Variants in STARD3NL observed in about 807,000 individuals in gnomAD.
STARD3NL encodes STARD3 N-terminal-like protein.
A neutral mutation model predicts 30.9 loss-of-function variants in STARD3NL; 17 were observed. The observed-to-expected ratio is 0.55, with a 90% CI of 0.38 to 0.82. STARD3NL has a LOEUF of 0.82. Ranked by LOEUF, STARD3NL falls within the 40% of genes least tolerant of loss-of-function variation. The pLI is 0.00. For synonymous variants in STARD3NL, 112 were observed against 100.5 expected (o/e 1.11, Z -0.69); for missense variants, 234 against 277.6 (o/e 0.84, Z 1.12).
At position 38,178,365 on chromosome 7, in the gene STARD3NL, C is replaced by T. The variant is rs62443315; in HGVS notation, c.-114C>T. 6.6e-6 allele frequency: 1 copy of T among 152,064 alleles called. No individual in the cohort carries two copies. Among genetic ancestry groups the T allele is most frequent in the African/African-American group, 2.4e-5 (1 of 41,502 alleles). The allele number at this position is 152,064 out of a possible 1,614,324, so 9.4% of individuals were successfully genotyped here. On this transcript the variant is annotated 5_prime_UTR_variant, in exon 1 of 9. Transcript: ENST00000009041. ...CGCCCCTCAGGCCGGGGCGCGACCG[C>T]GGATCCGCAGTTCCCGGGCCAGCCT...
intron 6 of STARD3NL, among the ~76,000 whole-genome samples, chr7:38,217,668 A>G (rs576153766): frequency 3.3e-4 from 50 of 152,324 alleles, no homozygotes; most frequent in East Asian, 1.9e-4. Context: ...GTGCATGTAA[A>G]CAGAACTGTG....
At chr7:38,182,430 T>C (rs1784288277) in intron 1 of STARD3NL, among the ~76,000 whole-genome samples, 1 of 152,134 alleles carries the variant, frequency 6.6e-6, no homozygotes, top group South Asian at 2.1e-4. Flanking sequence ...CTTTTTAATA[T>C]TATAGATGAG....
intron 6 of STARD3NL, among the ~76,000 whole-genome samples, chr7:38,217,631 A>T (rs776212276): frequency 1.8e-4 from 27 of 152,336 alleles, no homozygotes; most frequent in Non-Finnish European, 7.4e-5. Context: ...TCTCCCTGTT[A>T]GCAATAGACA....
rs1786924473 is a variant in STARD3NL at position 38,228,670 on chromosome 7, CT to C, written c.650-127del. ...TTCAAATAGCAGTTAACCTAAATCT[CT>C]TGAGGATTAAACATATGTTTAATGT... On this transcript the variant is annotated intron_variant, in intron 7 of 8. Transcript: ENST00000009041. 1.2e-5 allele frequency: 8 copies of C among 674,776 alleles called. No individual in the cohort carries two copies. In the East Asian group the frequency reaches 2.3e-4, roughly 20 times the overall value. 41.8% of individuals were successfully genotyped at this position (674,776 alleles called of 1,614,324 possible). A position where few individuals can be genotyped will look rare whatever the true frequency, so the allele number is the denominator to read the frequency against.
chr7:38,203,298 T>C lies in STARD3NL; in HGVS notation c.-58-4149T>C, dbSNP rs573888995. Among the ~76,000 whole-genome samples the C allele has an allele frequency of 8.5e-5, 13 of 152,312 alleles. No homozygotes were observed. The East Asian group carries it at 2.5e-3, about 29-fold the overall frequency. On this transcript the variant is annotated intron_variant, in intron 1 of 8. Transcript: ENST00000009041. ...ACAGCTGATCTCTCGGCAGAAACTCTACAAGCCAGAAGAGAGTGGGGGCCA... is the reference window on the plus strand; with the variant it reads ...ACAGCTGATCTCTCGGCAGAAACTCCACAAGCCAGAAGAGAGTGGGGGCCA...
At chr7:38,226,442 C>T (rs1458307751) in intron 7 of STARD3NL, among the ~76,000 whole-genome samples, 4 of 152,138 alleles carry the variant, frequency 2.6e-5, no homozygotes, top group Non-Finnish European at 5.9e-5. Flanking sequence ...CAGAGCCTAG[C>T]TAGTGATTAC....
intron 1 of STARD3NL, among the ~76,000 whole-genome samples, chr7:38,196,468 T>A: frequency 6.6e-6 from 1 of 152,214 alleles, no homozygotes; most frequent in East Asian, 1.9e-4. Context: ...TCAGTATTCC[T>A]TTGTTTCAAA....
rs138798892 is a variant in STARD3NL, at chr7:38,221,410, G to C, written c.649+1750G>C. On this transcript the variant is annotated intron_variant, in intron 7 of 8. Coordinates refer to ENST00000009041, the MANE Select transcript of STARD3NL (RefSeq NM_032016.4). ...GTGTCTTACCACTAATCTCTTGTAAGATTGTGTCTAACCTATTTTCATATT... is the reference window on the plus strand; with the variant it reads ...GTGTCTTACCACTAATCTCTTGTAACATTGTGTCTAACCTATTTTCATATT... Among the ~76,000 whole-genome samples the C allele has an allele frequency of 2.4e-4, 36 of 152,110 alleles. No individual in the cohort carries two copies. In the East Asian group the frequency reaches 6.4e-3, roughly 27 times the overall value.
chr7:38,218,336 GA>G, intron 6 of STARD3NL, among the ~76,000 whole-genome samples: 1 of 152,274 alleles, frequency 6.6e-6, no homozygotes, highest in South Asian at 2.1e-4. Context: ...TTACATAGAA[GA>G]AATATATAAG....
intron 1 of STARD3NL, chr7:38,179,159 G>A (rs968228812): frequency 4.6e-5 from 7 of 152,158 alleles, no homozygotes; most frequent in African/African-American, 1.4e-4. Flanking sequence ...ACCAAGTAAC[G>A]GGTCTAATTA....
chr7:38,224,833 GA>G (rs912385823), intron 7 of STARD3NL, among the ~76,000 whole-genome samples: 2 of 150,286 alleles, frequency 1.3e-5, no homozygotes, highest in South Asian at 2.1e-4. Flanking sequence ...AATAAGAAAA[GA>G]AAAAAAAACA....
At chr7:38,181,142 C>G (rs1045053035) in intron 1 of STARD3NL, among the ~76,000 whole-genome samples, 2 of 152,142 alleles carry the variant, frequency 1.3e-5, no homozygotes, top group Non-Finnish European at 2.9e-5. Context: ...TGAATCTAGT[C>G]TCTGTTAATA....
chr7:38,190,407 T>C (rs779251463), intron 1 of STARD3NL, among the ~76,000 whole-genome samples: 1 of 152,200 alleles, frequency 6.6e-6, no homozygotes, highest in African/African-American at 2.4e-5. Context: ...ATGCTACATG[T>C]GTGTATGTAT....
At chr7:38,196,961 G>C (rs1353622624) in intron 1 of STARD3NL, among the ~76,000 whole-genome samples, 1 of 152,072 alleles carries the variant, frequency 6.6e-6, no homozygotes, top group Non-Finnish European at 1.5e-5. Context: ...TGGGCAGTTC[G>C]CCAAAGAAAG....
intron 1 of STARD3NL, among the ~76,000 whole-genome samples, chr7:38,200,557 A>G (rs1481577826): frequency 1.3e-5 from 2 of 152,180 alleles, no homozygotes; most frequent in Non-Finnish European, 2.9e-5. Context: ...TGAGTCACAG[A>G]AAAAGAAGCC....
Position 38,209,268 on chromosome 7 carries a change from GA to G in STARD3NL, c.225+1543del, listed in dbSNP as rs533125665. Among the ~76,000 whole-genome samples, 354 of 151,978 alleles carry G rather than the reference GA, an allele frequency of 2.3e-3. 3 individuals are homozygous for G. The highest frequency in any genetic ancestry group is 8.2e-3 in the African/African-American group (339 of 41,480). On this transcript the variant is annotated intron_variant, in intron 2 of 8. Coordinates refer to ENST00000009041, the MANE Select transcript of STARD3NL (RefSeq NM_032016.4). The stretch of plus-strand genomic sequence containing the variant: ...AAACTGTAGCTATGTAATGAGAGAT[GA>G]AAAGGAAATGCGTCTTTTTTTTTTT...
rs952277081 is a variant in STARD3NL, at chr7:38,203,286, C to T, written c.-58-4161C>T. ...CCCATCAGACTAACAGCTGATCTCT[C>T]GGCAGAAACTCTACAAGCCAGAAGA... On this transcript the variant is annotated intron_variant, in intron 1 of 8. Transcript: ENST00000009041. Among the ~76,000 whole-genome samples the T allele has an allele frequency of 3.3e-3, 496 of 152,288 alleles. 2 individuals carry two copies. Among genetic ancestry groups the T allele is most frequent in the African/African-American group, 0.011 (472 of 41,550 alleles).
chr7:38,219,464 A>G (rs1209582404), intron 6 of STARD3NL, 101 bp from the exon 7 acceptor site: 14 of 738,958 alleles, frequency 1.9e-5, no homozygotes, highest in Non-Finnish European at 3.0e-5. Context: ...TTCTAAAGGT[A>G]TTTCATTGTA....
chr7:38,186,079 C>G lies in STARD3NL; in HGVS notation c.-59+7659C>G, dbSNP rs556474768. Reference sequence around the variant, plus strand: ...TCAAGTTCCTTAATTGAGGGACCTTCACCTGTCTAGATAGTAATATGACTC... The same window carrying G: ...TCAAGTTCCTTAATTGAGGGACCTTGACCTGTCTAGATAGTAATATGACTC... On this transcript the variant is annotated intron_variant, in intron 1 of 8. Coordinates refer to ENST00000009041, the MANE Select transcript of STARD3NL (RefSeq NM_032016.4). Among the ~76,000 whole-genome samples, 3 of 152,284 alleles carry G rather than the reference C, an allele frequency of 2.0e-5. No individual in the cohort carries two copies. In the South Asian group the frequency reaches 6.2e-4, roughly 32 times the overall value.
Sources: allele counts gnomAD v4.1 joint callset (sites outside exome capture counted in the v4.1 genomes callset), GRCh38; gene constraint gnomAD v4.1.1; transcripts MANE v1.5; gene names NCBI Gene and HGNC (gene_info 2026-07-23, HGNC 2026-07-21).